The following GABRB1 variants were observed in gnomAD, a reference collection of about 807,000 sequenced individuals.
The protein encoded by GABRB1 is gamma-aminobutyric acid receptor subunit beta-1.
GABRB1 carries 17 observed loss-of-function variants against 51.6 expected under a neutral mutation model. That is an observed-to-expected ratio of 0.33 (90% CI 0.23 to 0.49). The LOEUF is 0.49. Ranked by LOEUF, GABRB1 falls within the 20% of genes least tolerant of loss-of-function variation. The pLI is 0.99. For synonymous variants in GABRB1, 247 were observed against 218.9 expected (o/e 1.13, Z -1.14); for missense variants, 410 against 600.6 (o/e 0.68, Z 3.32).
At chr4:47,137,451 G>A (rs1333165114) in intron 3 of GABRB1, among the ~76,000 whole-genome samples, 9 of 152,064 alleles carry the variant, frequency 5.9e-5, no homozygotes, top group Admixed American at 5.9e-4. Context: ...CCAAATGGAA[G>A]AGAATGCTAT....
At chr4:47,001,426 G>A (rs1017693248) in intron 1 of GABRB1, among the ~76,000 whole-genome samples, 2 of 152,194 alleles carry the variant, frequency 1.3e-5, no homozygotes, top group African/African-American at 2.4e-5. Context: ...ACAGGTGTGA[G>A]CCACCATGCC....
intron 4 of GABRB1, among the ~76,000 whole-genome samples, chr4:47,303,623 T>C (rs1724342993): frequency 6.6e-6 from 1 of 152,032 alleles, no homozygotes; most frequent in Non-Finnish European, 1.5e-5. Context: ...TTATCATTTA[T>C]TTTTAACTGA....
chr4:47,294,397 C>T (rs1372267309), intron 4 of GABRB1, among the ~76,000 whole-genome samples: 7 of 152,168 alleles, frequency 4.6e-5, no homozygotes, highest in Non-Finnish European at 1.0e-4. Context: ...CGGGTCACTC[C>T]CACCCTAATA....
At chr4:47,360,140 A>C (rs1204534217) in intron 5 of GABRB1, among the ~76,000 whole-genome samples, 1 of 151,876 alleles carries the variant, frequency 6.6e-6, no homozygotes, top group Non-Finnish European at 1.5e-5. Context: ...AAAGATAAAC[A>C]GACCCAGCAT....
chr4:47,311,237 T>TACA lies in GABRB1; in HGVS notation c.462-8867_462-8865dup, dbSNP rs1382390835. Reference sequence around the variant, plus strand: ...GGTAAAAACCCGTCTCTACTAAAAATACAACAACAACAACAACAACAACAA... The same window carrying TACA: ...GGTAAAAACCCGTCTCTACTAAAAATACAACAACAACAACAACAACAACAACAA... On this transcript the variant is annotated intron_variant, in intron 4 of 8. Coordinates refer to ENST00000295454, the MANE Select transcript of GABRB1 (RefSeq NM_000812.4). Among the ~76,000 whole-genome samples, 191 of 142,532 alleles carry TACA rather than the reference T, an allele frequency of 1.3e-3. 1 individual carries two copies. The highest frequency in any genetic ancestry group is 2.5e-3 in the East Asian group (12 of 4,776). 93.5% of individuals were successfully genotyped at this position (142,532 alleles called of 152,430 possible).
chr4:47,126,654 G>A (rs575480614), intron 3 of GABRB1, among the ~76,000 whole-genome samples: 3 of 151,834 alleles, frequency 2.0e-5, no homozygotes, highest in South Asian at 2.1e-4. Flanking sequence ...CTATGATGTC[G>A]ATATAAGAGA....
intron 4 of GABRB1, among the ~76,000 whole-genome samples, chr4:47,284,996 G>A (rs943909035): frequency 6.6e-6 from 1 of 152,180 alleles, no homozygotes; most frequent in Non-Finnish European, 1.5e-5. Flanking sequence ...GATTTCTAAC[G>A]TCATCGTGTT....
intron 8 of GABRB1, among the ~76,000 whole-genome samples, chr4:47,409,531 C>T (rs1449970652): frequency 6.6e-6 from 1 of 152,180 alleles, no homozygotes; most frequent in Non-Finnish European, 1.5e-5. Context: ...CTCTTCTGCT[C>T]CTCTGCTCCT....
chr4:47,185,515 C>T (rs1292869643), intron 4 of GABRB1, among the ~76,000 whole-genome samples: 1 of 151,714 alleles, frequency 6.6e-6, no homozygotes, highest in Non-Finnish European at 1.5e-5. Context: ...ATCCAAACTT[C>T]CTGACATATG....
At chr4:47,249,194 T>G (rs1211578136) in intron 4 of GABRB1, among the ~76,000 whole-genome samples, 1 of 152,132 alleles carries the variant, frequency 6.6e-6, no homozygotes, top group African/African-American at 2.4e-5. Flanking sequence ...TTCTAGAGGT[T>G]TGATAGATTG....
At chr4:47,031,052 A>G (rs1725272002), upstream of GABRB1, among the ~76,000 whole-genome samples, 1 of 152,094 alleles carries the variant, frequency 6.6e-6, no homozygotes, top group Admixed American at 6.5e-5. Context: ...AAGGGCACCT[A>G]ATTTTTGGAG....
chr4:47,148,486 T>C (rs1033663063), intron 3 of GABRB1, among the ~76,000 whole-genome samples: 2 of 152,082 alleles, frequency 1.3e-5, no homozygotes, highest in African/African-American at 2.4e-5. Flanking sequence ...CCTTTTAACT[T>C]ACTGTCACTT....
chr4:47,282,366 A>C (rs1047520187), intron 4 of GABRB1, among the ~76,000 whole-genome samples: 8 of 152,096 alleles, frequency 5.3e-5, no homozygotes, highest in African/African-American at 1.7e-4. Context: ...ACCCCTACCA[A>C]CCTGGGTGGG....
chr4:47,318,452 A>G (rs961125961), intron 4 of GABRB1, among the ~76,000 whole-genome samples: 1 of 151,980 alleles, frequency 6.6e-6, no homozygotes, highest in Admixed American at 6.6e-5. Context: ...ATCATCAACA[A>G]CAACAACAAA....
At chr4:47,137,780 G>T (rs892559588) in intron 3 of GABRB1, among the ~76,000 whole-genome samples, 1 of 151,984 alleles carries the variant, frequency 6.6e-6, no homozygotes, top group Non-Finnish European at 1.5e-5. Context: ...ACTAAAATTT[G>T]GACCACATAG....
At chr4:47,280,486 T>TTA (rs755554530) in intron 4 of GABRB1, among the ~76,000 whole-genome samples, 73 of 149,842 alleles carry the variant, frequency 4.9e-4, no homozygotes, top group Middle Eastern at 3.4e-3. Flanking sequence ...ATATATATAT[T>TTA]TATATATATA....
At chr4:47,287,677 T>C (rs1723561646) in intron 4 of GABRB1, among the ~76,000 whole-genome samples, 2 of 152,228 alleles carry the variant, frequency 1.3e-5, no homozygotes, top group African/African-American at 4.8e-5. Context: ...TTCATATGGA[T>C]AGCATATAGC....
chr4:47,403,823 A>C, intron 7 of GABRB1, 112 bp downstream of exon 7: 1 of 947,180 alleles, frequency 1.1e-6, no homozygotes, highest in Non-Finnish European at 1.6e-6. Context: ...GAATTAGATC[A>C]TCTTACAAGT....
intron 5 of GABRB1, among the ~76,000 whole-genome samples, chr4:47,362,261 G>C (rs974820450): frequency 2.0e-5 from 3 of 152,122 alleles, no homozygotes; most frequent in Admixed American, 6.6e-5. Context: ...AGTACAAACT[G>C]TTTGGGATTG....
Sources: allele counts gnomAD v4.1 joint callset (sites outside exome capture counted in the v4.1 genomes callset), GRCh38; gene constraint gnomAD v4.1.1; transcripts MANE v1.5; gene names NCBI Gene and HGNC (gene_info 2026-07-23, HGNC 2026-07-21).